Variants in KCNIP4 observed in about 807,000 individuals in gnomAD.
The protein encoded by KCNIP4 is potassium voltage-gated channel interacting protein 4, also known as Kv channel-interacting protein 4.
A neutral mutation model predicts 34.0 loss-of-function variants in KCNIP4; 12 were observed. That is an observed-to-expected ratio of 0.35 (90% confidence interval 0.23 to 0.57). The LOEUF (loss-of-function observed/expected upper bound fraction) is 0.57, where lower values mean the gene tolerates loss of function less well. KCNIP4 is among the 20% of genes least tolerant of loss of function. The pLI is 0.83. For synonymous variants in KCNIP4, 124 were observed against 102.2 expected (o/e 1.21, Z -1.29); for missense variants, 238 against 311.7 (o/e 0.76, Z 1.78).
rs35147441 is a variant in KCNIP4, at chr4:21,072,717, G to T, written c.62-190008C>A. On this transcript the variant is annotated intron_variant, in intron 1 of 8. Transcript: ENST00000382152. The stretch of plus-strand genomic sequence containing the variant: ...TTCGTGTTTTAAACATGAAGTCCTT[G>T]CCCATGCCTATGTCCTGAATGGTAT... 5.3e-3 allele frequency among the ~76,000 whole-genome samples: 799 copies of T among 152,078 alleles called. 7 individuals are homozygous for T. Among genetic ancestry groups the T allele is most frequent in the African/African-American group, 0.019 (767 of 41,438 alleles).
At chr4:21,554,433 T>A (rs552006248) in intron 1 of KCNIP4, among the ~76,000 whole-genome samples, 49 of 152,246 alleles carry the variant, frequency 3.2e-4, no homozygotes, top group African/African-American at 1.2e-3. Context: ...AGACATTCTA[T>A]TTTAAACCAA....
At chr4:21,931,640 G>T (rs1422460875) in intron 1 of KCNIP4, among the ~76,000 whole-genome samples, 1 of 151,892 alleles carries the variant, frequency 6.6e-6, no homozygotes, top group Non-Finnish European at 1.5e-5. Flanking sequence ...TGTATTCAAT[G>T]GTGTATATGT....
chr4:21,696,892 T>C (rs1712375505), intron 1 of KCNIP4, among the ~76,000 whole-genome samples: 1 of 152,088 alleles, frequency 6.6e-6, no homozygotes, highest in Non-Finnish European at 1.5e-5. Context: ...TCCTTAACTC[T>C]TTCCCGGCCA....
At chr4:21,565,354 T>C (rs1311969760) in intron 1 of KCNIP4, among the ~76,000 whole-genome samples, 1 of 152,112 alleles carries the variant, frequency 6.6e-6, no homozygotes, top group African/African-American at 2.4e-5. Context: ...ATGGGAGCCC[T>C]ACCTTCATGA....
intron 6 of KCNIP4, among the ~76,000 whole-genome samples, chr4:20,733,303 CA>C (rs1255471631): frequency 3.9e-5 from 6 of 152,092 alleles, no homozygotes; most frequent in African/African-American, 1.4e-4. Context: ...GAAGACTAGT[CA>C]AAAAATTTTG....
At chr4:21,109,482 C>T (rs910526695) in intron 1 of KCNIP4, among the ~76,000 whole-genome samples, 4 of 152,154 alleles carry the variant, frequency 2.6e-5, no homozygotes, top group East Asian at 1.9e-4. Context: ...GGGAGTGACC[C>T]GATTTTCCAG....
chr4:21,869,286 T>C (rs1028830031), intron 1 of KCNIP4, among the ~76,000 whole-genome samples: 4 of 152,188 alleles, frequency 2.6e-5, no homozygotes, highest in African/African-American at 7.2e-5. Context: ...TCAGCCCATG[T>C]GTGGAGTATG....
At chr4:21,051,398 C>G (rs1742915378) in intron 1 of KCNIP4, among the ~76,000 whole-genome samples, 2 of 148,302 alleles carry the variant, frequency 1.3e-5, no homozygotes, top group African/African-American at 5.1e-5. Flanking sequence ...TCATTATTGA[C>G]AGATGATTTC....
chr4:21,240,603 G>C lies in KCNIP4; in HGVS notation c.62-357894C>G, dbSNP rs141598956. On this transcript the variant is annotated intron_variant, in intron 1 of 8. Coordinates refer to ENST00000382152, the MANE Select transcript of KCNIP4 (RefSeq NM_025221.6). ...ATGTTGCTTTCTCGTCCTGAGCTTT[G>C]AGTCCTGTTGATTTTTCTTAAGAAA... 1.1e-3 allele frequency among the ~76,000 whole-genome samples: 164 copies of C among 152,142 alleles called. 2 individuals carry two copies. Among genetic ancestry groups the C allele is most frequent in the East Asian group, 6.2e-3 (32 of 5,146 alleles).
chr4:21,280,457 A>C (rs2109165258), intron 1 of KCNIP4, among the ~76,000 whole-genome samples: 1 of 152,230 alleles, frequency 6.6e-6, no homozygotes, highest in South Asian at 2.1e-4. Flanking sequence ...TACCACTCTA[A>C]TTTGCACCAT....
chr4:21,319,178 C>T (rs1714115402), intron 1 of KCNIP4, among the ~76,000 whole-genome samples: 1 of 152,150 alleles, frequency 6.6e-6, no homozygotes, highest in South Asian at 2.1e-4. Flanking sequence ...CTAAAGGGAG[C>T]CAAGACCTGT....
chr4:21,409,404 T>C (rs1452544479), intron 1 of KCNIP4, among the ~76,000 whole-genome samples: 1 of 152,158 alleles, frequency 6.6e-6, no homozygotes, highest in Admixed American at 6.6e-5. Flanking sequence ...GCCTCAAGTA[T>C]TATTTTGAAT....
intron 1 of KCNIP4, among the ~76,000 whole-genome samples, chr4:21,154,494 A>G (rs1053539315): frequency 6.6e-6 from 1 of 152,106 alleles, no homozygotes; most frequent in East Asian, 1.9e-4. Flanking sequence ...GTCATCCTCT[A>G]TTGCTAGGAT....
At chr4:21,692,292 A>G (rs1372550089) in intron 1 of KCNIP4, among the ~76,000 whole-genome samples, 2 of 152,242 alleles carry the variant, frequency 1.3e-5, no homozygotes, top group African/African-American at 4.8e-5. Flanking sequence ...GAAGGCAACC[A>G]GTAATCTGTA....
At chr4:21,382,305 C>A (rs1721580536) in intron 1 of KCNIP4, among the ~76,000 whole-genome samples, 1 of 152,034 alleles carries the variant, frequency 6.6e-6, no homozygotes, top group Admixed American at 6.6e-5. Flanking sequence ...ATTCTAAGGG[C>A]AATGGAAGAT....
intron 1 of KCNIP4, among the ~76,000 whole-genome samples, chr4:21,289,294 A>G (rs1158753026): frequency 6.6e-6 from 1 of 152,284 alleles, no homozygotes; most frequent in South Asian, 2.1e-4. Context: ...TTTTGTTACC[A>G]ACATTCTAAC....
chr4:21,696,571 A>C (rs931033064), intron 1 of KCNIP4, among the ~76,000 whole-genome samples: 1 of 152,156 alleles, frequency 6.6e-6, no homozygotes, highest in African/African-American at 2.4e-5. Flanking sequence ...TGATCTGTTA[A>C]AAAATATATA....
intron 1 of KCNIP4, among the ~76,000 whole-genome samples, chr4:21,947,394 T>C (rs1730565824): frequency 6.6e-6 from 1 of 152,228 alleles, no homozygotes; most frequent in African/African-American, 2.4e-5. Flanking sequence ...GTGATGTTCA[T>C]ATTATTTTTT....
intron 1 of KCNIP4, among the ~76,000 whole-genome samples, chr4:21,526,129 T>C (rs1355936304): frequency 1.3e-5 from 2 of 152,188 alleles, no homozygotes; most frequent in Non-Finnish European, 2.9e-5. Flanking sequence ...TGATATGTTT[T>C]GGATCTGTGT....
Sources: gnomAD v4.1 joint callset for allele counts (sites outside exome capture counted in the v4.1 genomes callset) on GRCh38, gnomAD v4.1.1 for gene constraint, MANE v1.5 for transcripts, NCBI Gene and HGNC (gene_info 2026-07-23, HGNC 2026-07-21) for gene names.